Variants in COL6A6 observed in about 807,000 individuals in gnomAD.
The protein encoded by COL6A6 is collagen alpha-6(VI) chain.
In COL6A6, 183 loss-of-function variants were observed where a neutral mutation model predicts 208.6. That is an observed-to-expected ratio of 0.88 (90% confidence interval 0.78 to 0.99). COL6A6 has a LOEUF of 0.99. Among genes scored for constraint, COL6A6 ranks in the 50% least tolerant of loss-of-function variants. The pLI is 0.00. For missense variants in COL6A6, 2,816 were observed against 2,815.2 expected (o/e 1.00, Z -0.01); for synonymous variants, 973 against 1,011.8 (o/e 0.96, Z 0.73).
intron 18 of COL6A6, among the ~76,000 whole-genome samples, chr3:130,596,711 G>GT (rs2063861500): frequency 6.6e-6 from 1 of 152,168 alleles, no homozygotes; most frequent in Non-Finnish European, 1.5e-5. Context: ...CTGACTGGAA[G>GT]TGTTTGTTTA....
intron 21 of COL6A6, 148 bp from the exon 22 acceptor site, chr3:130,608,754 A>G (rs376416594): frequency 2.1e-6 from 1 of 483,950 alleles, no homozygotes; most frequent in East Asian, 3.3e-5. Context: ...ATTTGCATTT[A>G]TTTTTCACCT....
chr3:130,659,008 A>G (rs757282564), intron 34 of COL6A6, among the ~76,000 whole-genome samples: 28 of 152,310 alleles, frequency 1.8e-4, no homozygotes, highest in Admixed American at 1.2e-3. Flanking sequence ...GCCTTTCTAC[A>G]TAGTGCAGCT....
chr3:130,607,471 G>T (rs141567770), intron 21 of COL6A6, among the ~76,000 whole-genome samples: 1 of 152,182 alleles, frequency 6.6e-6, no homozygotes, highest in East Asian at 1.9e-4. Context: ...ATGAAAGAGT[G>T]GTTGTGACTT....
chr3:130,534,733 A>AT (rs970940897), intron 1 of COL6A6, among the ~76,000 whole-genome samples: 3 of 151,736 alleles, frequency 2.0e-5, no homozygotes, highest in East Asian at 1.9e-4. Flanking sequence ...ACCCTGGGTT[A>AT]TTTTTTTTCA....
At chr3:130,604,828 G>T (rs2064135983) in intron 20 of COL6A6, among the ~76,000 whole-genome samples, 1 of 152,172 alleles carries the variant, frequency 6.6e-6, no homozygotes. Flanking sequence ...TGAAAATGGA[G>T]GTCTGTTCCA....
chr3:130,578,530 T>G (rs1041541464), intron 8 of COL6A6, among the ~76,000 whole-genome samples: 25 of 152,148 alleles, frequency 1.6e-4, no homozygotes, highest in African/African-American at 5.8e-4. Context: ...TAAGAAAGCA[T>G]AACTGGTGCG....
At chr3:130,671,140 T>C (rs1403837890) in intron 36 of COL6A6, among the ~76,000 whole-genome samples, 1 of 152,176 alleles carries the variant, frequency 6.6e-6, no homozygotes, top group Non-Finnish European at 1.5e-5. Flanking sequence ...GATGGAGAGA[T>C]CGCAGAAGGA....
At chr3:130,648,211 G>A (rs1352598663) in intron 32 of COL6A6, among the ~76,000 whole-genome samples, 5 of 152,082 alleles carry the variant, frequency 3.3e-5, no homozygotes, top group Admixed American at 3.3e-4. Flanking sequence ...AAGTAATAAG[G>A]CATATTTATT....
chr3:130,539,972 A>G (rs2062322345), intron 1 of COL6A6, among the ~76,000 whole-genome samples: 1 of 152,208 alleles, frequency 6.6e-6, no homozygotes, highest in Admixed American at 6.5e-5. Context: ...TCTAACCCAC[A>G]GTTCATTACA....
intron 1 of COL6A6, among the ~76,000 whole-genome samples, chr3:130,554,907 C>A (rs529321057): frequency 1.3e-5 from 2 of 152,224 alleles, no homozygotes; most frequent in South Asian, 2.1e-4. Context: ...AGCATAGGAG[C>A]TATGACGTGG....
intron 11 of COL6A6, among the ~76,000 whole-genome samples, chr3:130,587,825 G>T (rs1287332294): frequency 6.6e-6 from 1 of 152,110 alleles, no homozygotes; most frequent in Non-Finnish European, 1.5e-5. Context: ...AGTTTTGTTG[G>T]AATTCCTTTC....
intron 29 of COL6A6, among the ~76,000 whole-genome samples, chr3:130,642,241 A>ATGTG (rs1435927175): frequency 4.1e-5 from 4 of 96,904 alleles, no homozygotes; most frequent in African/African-American, 1.9e-4. Flanking sequence ...CTGACAGATT[A>ATGTG]TATGTGTGTG....
At position 130,649,401 on chromosome 3, in the gene COL6A6, C is replaced by T; in HGVS notation, c.5572C>T (p.Leu1858Phe). ...TTCCAGGAATGTCTTCAAGCGGACGCTTCCGGGGGCACACACGAGAAAAAT... is the reference window on the plus strand; with the variant it reads ...TTCCAGGAATGTCTTCAAGCGGACGTTTCCGGGGGCACACACGAGAAAAAT... ...FISRNVFKRT[L>F]PGAHTRKIAT... The change falls in exon 33 of 37, where the codon CTT becomes TTT. Residue 1858 changes from leucine to phenylalanine, a missense_variant. Leu to Phe is a conservative substitution (Grantham distance 22). Transcript: ENST00000358511. The T allele has an allele frequency of 6.2e-7, 1 of 1,613,064 alleles. No homozygotes were observed. Among genetic ancestry groups the T allele is most frequent in the African/African-American group, 1.3e-5 (1 of 75,026 alleles).
chr3:130,642,287 A>C, intron 29 of COL6A6, among the ~76,000 whole-genome samples: 1 of 102,692 alleles, frequency 9.7e-6, no homozygotes, highest in South Asian at 2.9e-4. Flanking sequence ...GTGTGTGTGT[A>C]TTTTTTGTTT....
chr3:130,535,664 GC>G (rs2062206468), intron 1 of COL6A6, among the ~76,000 whole-genome samples: 1 of 151,926 alleles, frequency 6.6e-6, no homozygotes, highest in Admixed American at 6.6e-5. Context: ...TTTTGCCTTT[GC>G]CTCTGCAGCT....
In COL6A6 at chr3:130,676,940, T is replaced by C. The variant is rs2066373968; in HGVS notation, c.*1543T>C. ...AATAAAAGGGATTTTTCTAGTTAAC[T>C]CTGAGTTAAGCACGAACTCCTTTCT... On this transcript the variant is annotated 3_prime_UTR_variant, in exon 37 of 37. Coordinates refer to ENST00000358511, the MANE Select transcript of COL6A6 (RefSeq NM_001102608.3). 1 of 152,258 alleles carries C rather than the reference T, an allele frequency of 6.6e-6. No homozygotes were observed. The highest frequency in any genetic ancestry group is 2.4e-5 in the African/African-American group (1 of 41,470). 9.4% of individuals were successfully genotyped at this position (152,258 alleles called of 1,614,324 possible).
chr3:130,648,845 T>G (rs1410463425), intron 32 of COL6A6, among the ~76,000 whole-genome samples: 4 of 152,194 alleles, frequency 2.6e-5, no homozygotes, highest in African/African-American at 9.7e-5. Flanking sequence ...AAAACTGAAT[T>G]CCAGATGTTT....
chr3:130,554,756 G>C (rs1357928245), intron 1 of COL6A6, among the ~76,000 whole-genome samples: 1 of 152,188 alleles, frequency 6.6e-6, no homozygotes, highest in Non-Finnish European at 1.5e-5. Context: ...AGTGATGCAG[G>C]GGGTGGCCAT....
chr3:130,607,121 T>C (rs2064206684), intron 21 of COL6A6, among the ~76,000 whole-genome samples, 155 bp downstream of exon 21: 1 of 152,162 alleles, frequency 6.6e-6, no homozygotes, highest in Non-Finnish European at 1.5e-5. Flanking sequence ...ATTTTAAGAG[T>C]TCATATTTTA....
Sources: allele counts gnomAD v4.1 joint callset (sites outside exome capture counted in the v4.1 genomes callset), GRCh38; gene constraint gnomAD v4.1.1; transcripts MANE v1.5; gene names NCBI Gene and HGNC (gene_info 2026-07-23, HGNC 2026-07-21).